CHAT: variants seen among roughly 807,000 people sequenced by gnomAD.
CHAT encodes the protein choline O-acetyltransferase, also known as acetyl CoA:choline O-acetyltransferase.
CHAT carries 61 observed loss-of-function variants against 76.9 expected under a neutral mutation model. That is an observed-to-expected ratio of 0.79 (90% CI 0.65 to 0.98). CHAT has a LOEUF of 0.98. CHAT is among the 50% of genes least tolerant of loss of function. The pLI, the probability that CHAT is intolerant of heterozygous loss-of-function variation, is 0.00. For synonymous variants in CHAT, 407 were observed against 397.4 expected, an observed-to-expected ratio of 1.02 and a Z score of -0.29; for missense variants, 946 against 986.9, an observed-to-expected ratio of 0.96 and a Z score of 0.56.
rs201889027 is a variant in CHAT, at chr10:49,655,540, G to A, written c.1839+92G>A. ...ACCACGGCATAAGACCCTGTGTGAG[G>A]GCCCAGCCACCTGTTACTCGGGGAC... On this transcript the variant is annotated intron_variant, in intron 13 of 14. Transcript: ENST00000337653. The A allele has an allele frequency of 1.1e-5, 13 of 1,202,554 alleles. No homozygotes were observed. In the East Asian group the frequency reaches 3.0e-4, roughly 28 times the overall value. The allele number at this position is 1,202,554 out of a possible 1,614,324, so 74.5% of individuals were successfully genotyped here. A position where few individuals can be genotyped will look rare whatever the true frequency, so the allele number is the denominator to read the frequency against.
At chr10:49,648,411 G>A in intron 8 of CHAT, 96 bp from the exon 9 acceptor site, 2 of 809,020 alleles carry the variant, frequency 2.5e-6, no homozygotes, top group Non-Finnish European at 4.3e-6. Flanking sequence ...CTGGAGAAGA[G>A]GTGCCCTGAG....
At position 49,646,499 on chromosome 10, in the gene CHAT, C is replaced by G; in HGVS notation, c.1112-6C>G. On this transcript the variant is annotated splice_region_variant and splice_polypyrimidine_tract_variant and intron_variant, in intron 7 of 14. Transcript: ENST00000337653. ...GGTGCTAGGGCTGTGCCTGCCTCCC[C>G]TGCAGACTCCACCAACCGGGACTCG... 1 of 1,614,180 alleles carries G rather than the reference C, an allele frequency of 6.2e-7. No individual in the cohort carries two copies. Among genetic ancestry groups the G allele is most frequent in the Non-Finnish European group, 8.5e-7 (1 of 1,180,046 alleles).
In CHAT at chr10:49,623,725, C is replaced by T. The variant is rs184179000; in HGVS notation, c.752+1575C>T. Among the ~76,000 whole-genome samples the T allele has an allele frequency of 1.6e-4, 25 of 152,328 alleles. No homozygotes were observed. The South Asian group carries it at 3.1e-3, about 19-fold the overall frequency. On this transcript the variant is annotated intron_variant, in intron 5 of 14. Coordinates refer to ENST00000337653, the MANE Select transcript of CHAT (RefSeq NM_020549.5). ...CTCCCATACCTTGTCGAGCCATGTC[C>T]GTAAGTGCACCAGCACATGCCCTGT...
chr10:49,620,438 C>T, intron 3 of CHAT, 57 bp from the exon 4 acceptor site: 1 of 1,130,988 alleles, frequency 8.8e-7, no homozygotes, highest in East Asian at 2.4e-5. Flanking sequence ...TCTCTCGGGG[C>T]TGTCAGGATG....
chr10:49,661,035 A>G (rs1840177957), intron 13 of CHAT, among the ~76,000 whole-genome samples: 2 of 152,160 alleles, frequency 1.3e-5, no homozygotes, highest in African/African-American at 2.4e-5. Flanking sequence ...TGGTTGATGA[A>G]ATCTGTCCCC....
intron 3 of CHAT, 77 bp from the exon 4 acceptor site, chr10:49,620,418 G>T: frequency 1.0e-6 from 1 of 957,894 alleles, no homozygotes; most frequent in South Asian, 1.3e-5. Flanking sequence ...CTGGTGAAGT[G>T]TCCCGATTTT....
intron 7 of CHAT, among the ~76,000 whole-genome samples, chr10:49,640,009 A>G (rs1166763381): frequency 3.9e-5 from 6 of 152,060 alleles, no homozygotes; most frequent in African/African-American, 1.2e-4. Context: ...TCTATTATTC[A>G]GTCCTAACAT....
upstream of CHAT, chr10:49,611,496 G>A (rs768089288): frequency 6.2e-7 from 1 of 1,600,344 alleles, no homozygotes; most frequent in South Asian, 1.1e-5. Flanking sequence ...CTGCCGTGTC[G>A]CTCTTTGACG....
At chr10:49,609,783 G>T (rs1012672896), upstream of CHAT, among the ~76,000 whole-genome samples, 2 of 152,178 alleles carry the variant, frequency 1.3e-5, no homozygotes, top group African/African-American at 2.4e-5. Flanking sequence ...GGTTGGGGGT[G>T]TCCGTGTCCA....
rs375424189 is a variant in CHAT at position 49,649,584 on chromosome 10, T to G, written c.1459T>G (p.Cys487Gly). Reference protein sequence around the residue: ...LPAPRRLRWKCSPEIQGHLAS... With the variant: ...LPAPRRLRWKGSPEIQGHLAS... ...CGCCCCCCGGAGGCTGCGGTGGAAA[T>G]GCTCCCCGGAAATTCAAGGCCACTT... The change falls in exon 10 of 15, where the codon TGC becomes GGC. Residue 487 changes from cysteine (C) to glycine (G), a missense_variant. Cys to Gly is a radical substitution (Grantham distance 159). Transcript: ENST00000337653. 1 of 1,613,848 alleles carries G rather than the reference T, an allele frequency of 6.2e-7. No individual in the cohort carries two copies. The highest frequency in any genetic ancestry group is 2.2e-5 in the East Asian group (1 of 44,876).
chr10:49,623,991 A>G (rs921851443), intron 5 of CHAT, among the ~76,000 whole-genome samples: 1 of 152,182 alleles, frequency 6.6e-6, no homozygotes, highest in Admixed American at 6.5e-5. Flanking sequence ...CAGTAAAACA[A>G]CAAAATGGAA....
chr10:49,631,199 T>A (rs1366969243), intron 7 of CHAT, among the ~76,000 whole-genome samples: 1 of 152,182 alleles, frequency 6.6e-6, no homozygotes, highest in Non-Finnish European at 1.5e-5. Flanking sequence ...GGTTCAAGTC[T>A]GCTCAGGCAG....
chr10:49,621,247 C>T (rs1838696969), intron 4 of CHAT, among the ~76,000 whole-genome samples: 1 of 152,094 alleles, frequency 6.6e-6, no homozygotes, highest in Non-Finnish European at 1.5e-5. Flanking sequence ...ACCAAAGTGG[C>T]CCGAGGACAA....
upstream of CHAT, chr10:49,611,622 G>T: frequency 6.2e-7 from 1 of 1,611,590 alleles, no homozygotes; most frequent in Non-Finnish European, 8.5e-7. Flanking sequence ...TTGCCGTGGT[G>T]GCCGGCGCGC....
Position 49,627,788 on chromosome 10 carries a change from C to T in CHAT, c.1111+3C>T, listed in dbSNP as rs1838977282. On this transcript the variant is annotated splice_donor_region_variant and intron_variant, in intron 7 of 14. Transcript: ENST00000337653. ...GGCCAGGACGGTCCTCGTGAAAGGT[C>T]AGCCGCAGTGCCCAGCACATCTCCA... is the stretch of plus-strand genomic sequence containing the variant. The T allele has an allele frequency of 6.2e-7, 1 of 1,612,976 alleles. No homozygotes were observed. The highest frequency in any genetic ancestry group is 1.1e-5 in the South Asian group (1 of 91,040).
chr10:49,655,644 A>G (rs1840013195), intron 13 of CHAT, among the ~76,000 whole-genome samples, 196 bp downstream of exon 13: 1 of 152,230 alleles, frequency 6.6e-6, no homozygotes. Context: ...TGTTTTTGAC[A>G]TGGATTTTAT....
At chr10:49,622,398 T>G (rs1490210621) in intron 5 of CHAT, among the ~76,000 whole-genome samples, 4 of 152,122 alleles carry the variant, frequency 2.6e-5, no homozygotes, top group East Asian at 1.9e-4. Flanking sequence ...GTCTCCTCCC[T>G]CCACACATAC....
chr10:49,621,231 G>T (rs1241561388), intron 4 of CHAT, among the ~76,000 whole-genome samples: 1 of 152,138 alleles, frequency 6.6e-6, no homozygotes, highest in Admixed American at 6.5e-5. Flanking sequence ...TTTAGAGGGA[G>T]GGCAGACCAA....
intron 8 of CHAT, chr10:49,647,192 G>T (rs972032532): frequency 2.3e-5 from 4 of 172,834 alleles, no homozygotes; most frequent in African/African-American, 9.5e-5. Context: ...CATCTCCATG[G>T]AAGAAAGACT....
Sources: allele counts gnomAD v4.1 joint callset (sites outside exome capture counted in the v4.1 genomes callset), GRCh38; gene constraint gnomAD v4.1.1; transcripts MANE v1.5; gene names NCBI Gene and HGNC (gene_info 2026-07-23, HGNC 2026-07-21).